The following CNTNAP2 variants were observed in gnomAD, a reference collection of about 807,000 sequenced individuals.
CNTNAP2 encodes contactin-associated protein-like 2.
In CNTNAP2, 98 loss-of-function variants were observed where a neutral mutation model predicts 155.2. That is an observed-to-expected ratio of 0.63 (90% CI 0.54 to 0.75). The LOEUF (loss-of-function observed/expected upper bound fraction) is 0.75. CNTNAP2 is among the 30% of genes least tolerant of loss of function. The probability of loss-of-function intolerance (pLI) is 0.00; values close to 1 mark genes in which losing one functional copy is unlikely to be tolerated. For synonymous variants in CNTNAP2, 651 were observed against 631.2 expected, an observed-to-expected ratio of 1.03 and a Z score of -0.47; for missense variants, 1,727 against 1,688.1, an observed-to-expected ratio of 1.02 and a Z score of -0.40.
At chr7:147,733,014 T>A (rs1178256291) in intron 13 of CNTNAP2, among the ~76,000 whole-genome samples, 1 of 152,128 alleles carries the variant, frequency 6.6e-6, no homozygotes, top group Non-Finnish European at 1.5e-5. Context: ...AGTTTCTTTT[T>A]TGTGCAGAAG....
intron 8 of CNTNAP2, among the ~76,000 whole-genome samples, chr7:147,257,346 T>C (rs998512008): frequency 6.6e-6 from 1 of 152,124 alleles, no homozygotes; most frequent in African/African-American, 2.4e-5. Flanking sequence ...CAACATCGAG[T>C]AATTCCTTTC....
chr7:146,875,933 G>GAAAAAAAAAAAAAAAA, intron 3 of CNTNAP2, among the ~76,000 whole-genome samples: 1 of 15,264 alleles, frequency 6.6e-5, no homozygotes, highest in Non-Finnish European at 9.9e-5. Flanking sequence ...CACATACACA[G>GAAAAAAAAAAAAAAAA]CAAAAAAAAA....
At chr7:146,128,353 A>T (rs981507592) in intron 1 of CNTNAP2, among the ~76,000 whole-genome samples, 3 of 152,188 alleles carry the variant, frequency 2.0e-5, no homozygotes, top group Admixed American at 6.5e-5. Flanking sequence ...TTTAAAGCTC[A>T]CTGGTTCCAT....
chr7:147,997,237 C>T (rs1344721844), intron 15 of CNTNAP2, among the ~76,000 whole-genome samples: 2 of 152,152 alleles, frequency 1.3e-5, no homozygotes, highest in Non-Finnish European at 2.9e-5. Context: ...CACGATGCCT[C>T]CGTTCTTGTC....
At position 146,556,284 on chromosome 7, in the gene CNTNAP2, G is replaced by A. The variant is rs192252315; in HGVS notation, c.98-217987G>A. ...GCAGCAAAACACCACAGGAAGTATAGGGGATTGCATCCCAGACAGACATGG... is the reference window on the plus strand; with the variant it reads ...GCAGCAAAACACCACAGGAAGTATAAGGGATTGCATCCCAGACAGACATGG... On this transcript the variant is annotated intron_variant, in intron 1 of 23. Coordinates refer to ENST00000361727, the MANE Select transcript of CNTNAP2 (RefSeq NM_014141.6). Among the ~76,000 whole-genome samples the A allele has an allele frequency of 8.7e-4, 132 of 152,234 alleles. 1 individual carries two copies. The highest frequency in any genetic ancestry group is 3.0e-3 in the African/African-American group (123 of 41,564).
At chr7:146,642,428 G>C (rs552007711) in intron 1 of CNTNAP2, among the ~76,000 whole-genome samples, 2 of 150,472 alleles carry the variant, frequency 1.3e-5, no homozygotes, top group Non-Finnish European at 3.0e-5. Context: ...TTGTTCTTGC[G>C]ATAGTTTACT....
At chr7:146,231,462 T>C (rs1427670272) in intron 1 of CNTNAP2, among the ~76,000 whole-genome samples, 1 of 152,216 alleles carries the variant, frequency 6.6e-6, no homozygotes, top group African/African-American at 2.4e-5. Context: ...GACCTGCTTA[T>C]AGTATCCACT....
At chr7:147,923,633 C>A (rs1052899704) in intron 14 of CNTNAP2, among the ~76,000 whole-genome samples, 2 of 151,846 alleles carry the variant, frequency 1.3e-5, no homozygotes, top group Admixed American at 1.3e-4. Context: ...CTTGCCTCAG[C>A]CTCCGAAGTA....
intron 11 of CNTNAP2, among the ~76,000 whole-genome samples, chr7:147,538,523 A>G (rs1365001268): frequency 3.3e-5 from 5 of 152,050 alleles, no homozygotes; most frequent in Non-Finnish European, 7.4e-5. Flanking sequence ...GGTGGCACGC[A>G]TCTATAGTCC....
chr7:147,527,011 A>ATTTCTTTTTTT (rs1799334609), intron 11 of CNTNAP2, among the ~76,000 whole-genome samples: 3 of 81,634 alleles, frequency 3.7e-5, no homozygotes, highest in Non-Finnish European at 6.4e-5. Flanking sequence ...GAAGACAGGC[A>ATTTCTTTTTTT]TTTCTTTTTT....
At chr7:147,900,461 T>C (rs1420204253) in intron 13 of CNTNAP2, among the ~76,000 whole-genome samples, 1 of 152,196 alleles carries the variant, frequency 6.6e-6, no homozygotes. Context: ...CTTCTTCGTC[T>C]GCCATGATTG....
chr7:147,927,947 A>G (rs1222907483), intron 14 of CNTNAP2, among the ~76,000 whole-genome samples: 1 of 152,210 alleles, frequency 6.6e-6, no homozygotes, highest in Non-Finnish European at 1.5e-5. Context: ...CTCAAATCTC[A>G]TCTTGAATTG....
At chr7:147,393,492 A>C (rs1796758122) in intron 9 of CNTNAP2, among the ~76,000 whole-genome samples, 1 of 151,864 alleles carries the variant, frequency 6.6e-6, no homozygotes, top group African/African-American at 2.4e-5. Context: ...TCAAAAAAAA[A>C]AAAAAAACAG....
At chr7:148,400,720 G>A (rs747243296) in intron 22 of CNTNAP2, among the ~76,000 whole-genome samples, 1 of 152,122 alleles carries the variant, frequency 6.6e-6, no homozygotes, top group African/African-American at 2.4e-5. Flanking sequence ...AGTGGCTCAC[G>A]CCTGTAATCC....
intron 8 of CNTNAP2, among the ~76,000 whole-genome samples, chr7:147,262,020 G>T (rs1250530805): frequency 6.6e-6 from 1 of 152,126 alleles, no homozygotes; most frequent in Non-Finnish European, 1.5e-5. Flanking sequence ...AGATTTTTGG[G>T]TGCTTACCGT....
intron 2 of CNTNAP2, among the ~76,000 whole-genome samples, chr7:146,833,207 A>C (rs995929361): frequency 4.6e-5 from 7 of 152,168 alleles, no homozygotes; most frequent in Admixed American, 2.0e-4. Context: ...TGAGAGGATA[A>C]AGCCTATTTA....
chr7:146,117,840 T>G (rs1219703165), intron 1 of CNTNAP2, among the ~76,000 whole-genome samples: 1 of 152,144 alleles, frequency 6.6e-6, no homozygotes, highest in Non-Finnish European at 1.5e-5. Flanking sequence ...ATTGTTCCTT[T>G]GGTTCAGAAA....
intron 21 of CNTNAP2, among the ~76,000 whole-genome samples, chr7:148,270,918 G>A (rs895676411): frequency 6.6e-6 from 1 of 152,192 alleles, no homozygotes; most frequent in African/African-American, 2.4e-5. Context: ...ATGCCTACTT[G>A]CAGGTTGTTA....
chr7:147,894,872 C>T (rs17170738), intron 13 of CNTNAP2, among the ~76,000 whole-genome samples: 3,163 of 151,506 alleles, frequency 0.021, 124 homozygotes, highest in East Asian at 0.17. Flanking sequence ...AAGCATTCGC[C>T]CTTGTGCTTC....
Sources: gnomAD v4.1 joint callset for allele counts (sites outside exome capture counted in the v4.1 genomes callset) on GRCh38, gnomAD v4.1.1 for gene constraint, MANE v1.5 for transcripts, NCBI Gene and HGNC (gene_info 2026-07-23, HGNC 2026-07-21) for gene names.